Variants in THOC1 observed in about 807,000 individuals in gnomAD.
THOC1 encodes the protein THO complex 1.
THOC1 carries 29 observed loss-of-function variants against 97.3 expected under a neutral mutation model. The ratio of observed to expected loss-of-function variants is 0.30; its 90% CI spans 0.22 to 0.41. THOC1 has a LOEUF of 0.41. THOC1 is among the 10% of genes least tolerant of loss of function. The pLI is 1.00. For missense variants in THOC1, 529 were observed against 761.9 expected, an observed-to-expected ratio of 0.69 and a Z score of 3.60; for synonymous variants, 255 against 257.0, an observed-to-expected ratio of 0.99 and a Z score of 0.07.
chr18:241,589 C>T, intron 11 of THOC1, among the ~76,000 whole-genome samples: 1 of 152,160 alleles, frequency 6.6e-6, no homozygotes, highest in East Asian at 1.9e-4. Context: ...CATTGAGTCT[C>T]AGATGGAAAG....
chr18:214,691 G>C lies in THOC1; in HGVS notation c.1909C>G (p.Leu637Val). 6.2e-7 allele frequency: 1 copy of C among 1,613,858 alleles called. No individual in the cohort carries two copies. Among genetic ancestry groups the C allele is most frequent in the East Asian group, 2.2e-5 (1 of 44,876 alleles). Residue 637 changes from leucine (L) to valine (V), a missense_variant, in exon 21 of 21, where the codon CTG (leucine) becomes GTG (valine). Leu to Val is a conservative substitution (Grantham distance 32). Coordinates refer to ENST00000261600, the MANE Select transcript of THOC1 (RefSeq NM_005131.3). ...AGGTCACTTAATCCAGACTTATTCA[G>C]TGCATTAATCAGATTCTCAGGTGTT... The part of the protein sequence containing the change: ...HATPENLINA[L>V]NKSGLSDLAE...
rs939969425 is a variant in THOC1, at chr18:214,554, G to A, written c.*72C>T. 1.6e-6 allele frequency: 2 copies of A among 1,236,538 alleles called. No homozygotes were observed. The highest frequency in any genetic ancestry group is 2.3e-6 in the Non-Finnish European group (2 of 877,198). 76.6% of individuals were successfully genotyped at this position (1,236,538 alleles called of 1,614,324 possible). ...AAATGTTTATTGTTTACCAAAACCA[G>A]TGGACCTCTTATCAAATGCTGCTTG... On this transcript the variant is annotated 3_prime_UTR_variant, in exon 21 of 21. Transcript: ENST00000261600.
chr18:262,106 T>C (rs775592760), intron 4 of THOC1, among the ~76,000 whole-genome samples: 50 of 152,224 alleles, frequency 3.3e-4, no homozygotes, highest in Non-Finnish European at 6.8e-4. Context: ...CTTTACCACA[T>C]GGTAAATTTC....
chr18:249,203 G>A (rs903437353), intron 9 of THOC1, among the ~76,000 whole-genome samples: 3 of 152,144 alleles, frequency 2.0e-5, no homozygotes, highest in African/African-American at 7.2e-5. Context: ...GTATCTGAAA[G>A]ACTCTAATGG....
Position 218,957 on chromosome 18 carries a change from G to A in THOC1, c.1383C>T (p.Pro461=). ...ACKSETREHM[P]TLEEFFEEAI... ...CTTCTTCAAAGAATTCCTCCAAAGT[G>A]GGCATGTGTTCCCTGAGCGGTACAA... The change falls in exon 18 of 21, where the codon CCC becomes CCT. Residue 461 remains proline, a synonymous_variant. Coordinates refer to ENST00000261600, the MANE Select transcript of THOC1 (RefSeq NM_005131.3). 2 of 1,602,750 alleles carry A rather than the reference G, an allele frequency of 1.2e-6. No homozygotes were observed. Among genetic ancestry groups the A allele is most frequent in the Non-Finnish European group, 1.7e-6 (2 of 1,173,962 alleles).
At position 224,578 on chromosome 18, in the gene THOC1, C is replaced by CA. The variant is rs11339735; in HGVS notation, c.1208+345dup. 5.7e-3 allele frequency among the ~76,000 whole-genome samples: 720 copies of CA among 125,944 alleles called. 2 individuals are homozygous for CA. The highest frequency in any genetic ancestry group is 0.016 in the African/African-American group (548 of 33,506). The allele number at this position is 125,944 out of a possible 152,430, so 82.6% of individuals were successfully genotyped here. A position where few individuals can be genotyped will look rare whatever the true frequency, so the allele number is the denominator to read the frequency against. On this transcript the variant is annotated intron_variant, in intron 15 of 20. Coordinates refer to ENST00000261600, the MANE Select transcript of THOC1 (RefSeq NM_005131.3). ...TGGGTGACAGAGTGAGACTCCCTCT[C>CA]AAAAAAAAAAAAAAAATGAAAACTT...
intron 1 of THOC1, among the ~76,000 whole-genome samples, 193 bp downstream of exon 1, chr18:267,773 G>C (rs1238971139): frequency 6.6e-6 from 1 of 152,144 alleles, no homozygotes; most frequent in Non-Finnish European, 1.5e-5. Context: ...GGAGGCGGAC[G>C]GCCCAGCCCA....
At chr18:262,857 T>C (rs1331481744) in intron 4 of THOC1, among the ~76,000 whole-genome samples, 2 of 150,798 alleles carry the variant, frequency 1.3e-5, no homozygotes, top group Non-Finnish European at 3.0e-5. Flanking sequence ...TTTGAATTAA[T>C]CAAATGAGTA....
At chr18:227,747 T>C (rs1327354894) in intron 11 of THOC1, among the ~76,000 whole-genome samples, 3 of 152,132 alleles carry the variant, frequency 2.0e-5, no homozygotes, top group Non-Finnish European at 4.4e-5. Context: ...CTTCAAAAAC[T>C]ACAGTAACAA....
intron 11 of THOC1, 129 bp from the exon 12 acceptor site, chr18:227,030 C>T: frequency 1.4e-6 from 1 of 725,330 alleles, no homozygotes; most frequent in Non-Finnish European, 2.3e-6. Context: ...GTTGAGAGTT[C>T]ACTGCATGTG....
At chr18:257,434 C>G (rs1479164394) in intron 7 of THOC1, among the ~76,000 whole-genome samples, 1 of 152,114 alleles carries the variant, frequency 6.6e-6, no homozygotes, top group African/African-American at 2.4e-5. Context: ...TCTACTGGTG[C>G]TGGATTCAAC....
chr18:261,929 A>C (rs911119483), intron 4 of THOC1, among the ~76,000 whole-genome samples: 3 of 152,116 alleles, frequency 2.0e-5, no homozygotes, highest in Non-Finnish European at 4.4e-5. Flanking sequence ...TTCCCCCAAG[A>C]GCTTTCACAA....
intron 11 of THOC1, among the ~76,000 whole-genome samples, chr18:232,974 T>C (rs1911537217): frequency 6.6e-6 from 1 of 152,186 alleles, no homozygotes; most frequent in South Asian, 2.1e-4. Context: ...AGGTGACAAA[T>C]AATCTTCTCC....
At chr18:233,830 T>G (rs1052618915) in intron 11 of THOC1, among the ~76,000 whole-genome samples, 29 of 152,320 alleles carry the variant, frequency 1.9e-4, no homozygotes, top group African/African-American at 6.5e-4. Context: ...TCCATAGAAA[T>G]AGTAAGACTA....
intron 10 of THOC1, among the ~76,000 whole-genome samples, chr18:247,418 T>C (rs1912130885): frequency 6.6e-6 from 1 of 152,186 alleles, no homozygotes; most frequent in South Asian, 2.1e-4. Context: ...AGCTGTGCCA[T>C]TATAGTGCAA....
intron 11 of THOC1, 182 bp downstream of exon 11, chr18:246,142 C>A: frequency 2.0e-6 from 1 of 493,814 alleles, no homozygotes; most frequent in African/African-American, 2.0e-5. Flanking sequence ...CCTTTGAAAC[C>A]AAATTAGTCC....
chr18:267,929 G>A (rs781031884), intron 1 of THOC1, 37 bp downstream of exon 1: 2 of 1,581,540 alleles, frequency 1.3e-6, no homozygotes, highest in South Asian at 1.1e-5. Context: ...AAAGCATAGC[G>A]CCGGGTCAGG....
chr18:238,012 A>G lies in THOC1; in HGVS notation c.918+8312T>C, dbSNP rs549791996. Among the ~76,000 whole-genome samples the G allele has an allele frequency of 4.6e-5, 7 of 152,004 alleles. No homozygotes were observed. The South Asian group carries it at 8.3e-4, about 18-fold the overall frequency. ...CTCTAGGGCAGCTGGGATTACAGGC[A>G]CGCACCACCACGCCTGGATAATTTT... On this transcript the variant is annotated intron_variant, in intron 11 of 20. Coordinates refer to ENST00000261600, the MANE Select transcript of THOC1 (RefSeq NM_005131.3).
At chr18:238,207 A>G (rs1482693009) in intron 11 of THOC1, among the ~76,000 whole-genome samples, 2 of 151,606 alleles carry the variant, frequency 1.3e-5, no homozygotes, top group Non-Finnish European at 2.9e-5. Context: ...TTCAAAAAAA[A>G]GTTCTTAAAA....
Sources: gnomAD v4.1 joint callset for allele counts (sites outside exome capture counted in the v4.1 genomes callset) on GRCh38, gnomAD v4.1.1 for gene constraint, MANE v1.5 for transcripts, NCBI Gene and HGNC (gene_info 2026-07-23, HGNC 2026-07-21) for gene names.